Variants in PLEKHG5 observed in about 807,000 individuals in gnomAD.
PLEKHG5 encodes the protein pleckstrin homology and RhoGEF domain containing G5, also known as pleckstrin homology domain-containing family G member 5.
In PLEKHG5, 52 loss-of-function variants were observed where a neutral mutation model predicts 103.8. The observed-to-expected ratio is 0.50, with a 90% CI of 0.40 to 0.63. The LOEUF is 0.63. Ranked by LOEUF, PLEKHG5 falls within the 30% of genes least tolerant of loss-of-function variation. The pLI, the probability that PLEKHG5 is intolerant of heterozygous loss-of-function variation, is 0.00. For synonymous variants in PLEKHG5, 592 were observed against 575.5 expected (o/e 1.03, Z -0.41); for missense variants, 1,205 against 1,347.6 (o/e 0.89, Z 1.66).
rs1348733982 is a variant in PLEKHG5 at position 6,473,388 on chromosome 1, G to A, written c.658C>T (p.Pro220Ser). Residue 220 changes from proline (P) to serine (S), a missense_variant, in exon 8 of 21, where the codon CCC becomes TCC. Pro to Ser is a moderately conservative substitution (Grantham distance 74). Coordinates refer to ENST00000377728, the MANE Select transcript of PLEKHG5 (RefSeq NM_020631.6). ...AGAGAGCAGCTGGAGGGCGTGGGGG[G>A]CTCCTGCCCGGGGATGCTCGCCTCC... ...LGEASIPGQE[P>S]PTPSSCSLPS... is the part of the protein sequence containing the mutation. The A allele has an allele frequency of 3.2e-6, 5 of 1,546,614 alleles. No individual in the cohort carries two copies. The highest frequency in any genetic ancestry group is 1.2e-5 in the South Asian group (1 of 83,962).
At position 6,468,295 on chromosome 1, in the gene PLEKHG5, TG is replaced by T. The variant is rs1391733497; in HGVS notation, c.2540del (p.Pro847HisfsTer21). On this transcript the variant is annotated frameshift_variant, in exon 20 of 21. Transcript: ENST00000377728. LOFTEE classifies it high-confidence loss of function. Reference protein sequence around the residue: ...AELVPRAPESPRVPSPPPSPR... With the variant: ...AELVPRAPESXRVPSPPPSPR... ...GCGAGGGTGGAGGGGAAGGAACTCGTGGGGACTCTGGGGCCCGAGGCACTAG... is the reference window on the plus strand; with the variant it reads ...GCGAGGGTGGAGGGGAAGGAACTCGTGGGACTCTGGGGCCCGAGGCACTAG... 2 of 1,609,132 alleles carry T rather than the reference TG, an allele frequency of 1.2e-6. No individual in the cohort carries two copies. The highest frequency in any genetic ancestry group is 3.4e-5 in the Admixed American group (2 of 59,508).
At position 6,474,594 on chromosome 1, in the gene PLEKHG5, C is replaced by T. The variant is rs1164371404; in HGVS notation, c.303-7G>A. The T allele has an allele frequency of 1.9e-6, 3 of 1,613,290 alleles. No individual in the cohort carries two copies. The highest frequency in any genetic ancestry group is 1.7e-5 in the Admixed American group (1 of 60,018). Reference sequence around the variant, plus strand: ...TACAGGCAGCAGCACCTCCCTGCCCCCAGGACAGGAGGCATGTGTGTTAGA... The same window carrying T: ...TACAGGCAGCAGCACCTCCCTGCCCTCAGGACAGGAGGCATGTGTGTTAGA... On this transcript the variant is annotated splice_region_variant and splice_polypyrimidine_tract_variant and intron_variant, in intron 5 of 20. Coordinates refer to ENST00000377728, the MANE Select transcript of PLEKHG5 (RefSeq NM_020631.6).
chr1:6,474,397 TC>T (rs1374686538), intron 6 of PLEKHG5, 53 bp downstream of exon 6: 1 of 1,605,278 alleles, frequency 6.2e-7, no homozygotes, highest in East Asian at 2.2e-5. Flanking sequence ...GGCGCCCATC[TC>T]CAGGAGGCTC....
upstream of PLEKHG5, among the ~76,000 whole-genome samples, chr1:6,498,336 C>T (rs1393209853): frequency 6.6e-6 from 1 of 152,220 alleles, no homozygotes; most frequent in African/African-American, 2.4e-5. Context: ...GCTGGAGCCT[C>T]CCTGCATGGA....
intron 1 of PLEKHG5, among the ~76,000 whole-genome samples, chr1:6,514,368 G>A (rs1638557379): frequency 6.6e-6 from 1 of 151,694 alleles, no homozygotes; most frequent in African/African-American, 2.4e-5. Flanking sequence ...GGAAGAGGAT[G>A]ACTTGAGCCC....
intron 1 of PLEKHG5, among the ~76,000 whole-genome samples, chr1:6,489,512 G>A (rs974259825): frequency 2.6e-5 from 4 of 152,196 alleles, no homozygotes; most frequent in Non-Finnish European, 5.9e-5. Context: ...CCCAAGGCTG[G>A]GACCCAGTGC....
At chr1:6,503,459 A>G (rs1246889708) in intron 1 of PLEKHG5, among the ~76,000 whole-genome samples, 1 of 134,288 alleles carries the variant, frequency 7.4e-6, no homozygotes, top group African/African-American at 2.9e-5. Context: ...CCCAGGATGG[A>G]GTGCAATGGT....
intron 2 of PLEKHG5, among the ~76,000 whole-genome samples, chr1:6,477,222 T>C (rs1019802642): frequency 2.6e-5 from 4 of 152,130 alleles, no homozygotes; most frequent in Admixed American, 1.3e-4. Flanking sequence ...GCCCTGAGGA[T>C]AGGCAGAACT....
chr1:6,509,095 G>A (rs948218963), intron 1 of PLEKHG5, among the ~76,000 whole-genome samples: 15 of 152,352 alleles, frequency 9.8e-5, no homozygotes, highest in South Asian at 2.1e-4. Flanking sequence ...GACCTATCTC[G>A]GGGGACTCAG....
intron 1 of PLEKHG5, among the ~76,000 whole-genome samples, chr1:6,481,372 A>G (rs890120095): frequency 6.6e-6 from 1 of 151,918 alleles, no homozygotes; most frequent in African/African-American, 2.4e-5. Context: ...TCTCTACTAA[A>G]AATACAAAAT....
At chr1:6,471,309 T>G in intron 12 of PLEKHG5, 179 bp downstream of exon 12, 1 of 803,610 alleles carries the variant, frequency 1.2e-6, no homozygotes, top group Non-Finnish European at 2.0e-6. Context: ...GATGGTCAGG[T>G]GGAGGCTCAA....
At chr1:6,499,613 G>A (rs1645273595), upstream of PLEKHG5, among the ~76,000 whole-genome samples, 1 of 152,126 alleles carries the variant, frequency 6.6e-6, no homozygotes, top group South Asian at 2.1e-4. Flanking sequence ...GCCCAGAGTG[G>A]GGCCTGTGGG....
Position 6,470,834 on chromosome 1 carries a change from C to T in PLEKHG5, c.1443G>A (p.Leu481=), listed in dbSNP as rs1175716993. 3 of 1,578,194 alleles carry T rather than the reference C, an allele frequency of 1.9e-6. No homozygotes were observed. Among genetic ancestry groups the T allele is most frequent in the Non-Finnish European group, 2.6e-6 (3 of 1,162,228 alleles). Residue 481 remains leucine (L), a synonymous_variant, in exon 14 of 21, where the codon CTG becomes CTA. Coordinates refer to ENST00000377728, the MANE Select transcript of PLEKHG5 (RefSeq NM_020631.6). ...QCQRLKLSDM[L]AKPHQRLTKY... ...TGGTGAGCCGCTGGTGGGGTTTGGC[C>T]AGCATGTCGCTCAGCTTCAGCCTCT...
intron 1 of PLEKHG5, among the ~76,000 whole-genome samples, chr1:6,480,744 G>A (rs1457649662): frequency 6.6e-6 from 1 of 151,576 alleles, no homozygotes; most frequent in Non-Finnish European, 1.5e-5. Context: ...TACCTCCTGG[G>A]TTCAAGTGAT....
At chr1:6,477,789 G>T in intron 1 of PLEKHG5, 131 bp from the exon 2 acceptor site, 1 of 856,014 alleles carries the variant, frequency 1.2e-6, no homozygotes, top group Non-Finnish European at 1.8e-6. Flanking sequence ...ACGCCCCCCA[G>T]CAGTCCCCCC....
chr1:6,512,021 C>T (rs569238108), intron 1 of PLEKHG5, among the ~76,000 whole-genome samples: 1 of 152,294 alleles, frequency 6.6e-6, no homozygotes, highest in East Asian at 1.9e-4. Context: ...TGCCGGTGTC[C>T]TATGTATTAT....
At chr1:6,498,831 C>T (rs572112884), upstream of PLEKHG5, among the ~76,000 whole-genome samples, 1 of 152,234 alleles carries the variant, frequency 6.6e-6, no homozygotes, top group Non-Finnish European at 1.5e-5. Context: ...AAGGGGCCAG[C>T]GATGCCTGTC....
chr1:6,492,717 T>C (rs541965689), upstream of PLEKHG5, among the ~76,000 whole-genome samples: 6 of 152,246 alleles, frequency 3.9e-5, no homozygotes, highest in East Asian at 1.9e-4. Context: ...CAGAGAAGTG[T>C]AGTGACTTCC....
chr1:6,467,375 G>A lies in PLEKHG5; in HGVS notation c.*188C>T, dbSNP rs1644410588. 5 of 740,746 alleles carry A rather than the reference G, an allele frequency of 6.7e-6. No individual in the cohort carries two copies. The highest frequency in any genetic ancestry group is 1.2e-5 in the Non-Finnish European group (5 of 408,772). 45.9% of individuals were successfully genotyped at this position (740,746 alleles called of 1,614,324 possible). ...GCCTGGGCAGGTGGGGTGGTACTGT[G>A]GCCTGGGCCTCCTCCACTCCATCCA... On this transcript the variant is annotated 3_prime_UTR_variant, in exon 21 of 21. Coordinates refer to ENST00000377728, the MANE Select transcript of PLEKHG5 (RefSeq NM_020631.6).
Sources: allele counts gnomAD v4.1 joint callset (sites outside exome capture counted in the v4.1 genomes callset), GRCh38; gene constraint gnomAD v4.1.1; transcripts MANE v1.5; gene names NCBI Gene and HGNC (gene_info 2026-07-23, HGNC 2026-07-21).